Variants in GPR158 observed in about 807,000 individuals in gnomAD.
The protein encoded by GPR158 is G protein-coupled receptor 158.
In GPR158, 30 loss-of-function variants were observed where a neutral mutation model predicts 78.2. That is an observed-to-expected ratio of 0.38 (90% CI 0.29 to 0.52). The LOEUF (loss-of-function observed/expected upper bound fraction) is 0.52. Among genes scored for constraint, GPR158 ranks in the 20% least tolerant of loss-of-function variants. GPR158 has a pLI of 0.83. For synonymous variants in GPR158, 581 were observed against 591.1 expected (o/e 0.98, Z 0.25); for missense variants, 1,463 against 1,523.5 (o/e 0.96, Z 0.66).
Position 25,574,059 on chromosome 10 carries a change from C to T in GPR158, c.1753+1172C>T, listed in dbSNP as rs142872684. 3.3e-4 allele frequency among the ~76,000 whole-genome samples: 47 copies of T among 143,980 alleles called. No individual in the cohort carries two copies. The East Asian group carries it at 9.1e-3, about 28-fold the overall frequency. The allele number at this position is 143,980 out of a possible 152,430, so 94.5% of individuals were successfully genotyped here. On this transcript the variant is annotated intron_variant, in intron 7 of 10. Coordinates refer to ENST00000376351, the MANE Select transcript of GPR158 (RefSeq NM_020752.3). ...CTACTCACCCTGACATTATTTTATG[C>T]TCTCAGTGCAGGTTAACCAGATAGG...
chr10:25,416,556 G>T (rs1334982142), intron 4 of GPR158, among the ~76,000 whole-genome samples: 1 of 152,058 alleles, frequency 6.6e-6, no homozygotes, highest in East Asian at 1.9e-4. Context: ...AGTCATTAGG[G>T]ATGTTGAGAA....
At chr10:25,389,687 A>G (rs1834268316) in intron 2 of GPR158, among the ~76,000 whole-genome samples, 1 of 152,124 alleles carries the variant, frequency 6.6e-6, no homozygotes. Context: ...GTGGGTGACA[A>G]GAAGGAAAGA....
At chr10:25,191,457 G>C (rs936973742) in intron 1 of GPR158, among the ~76,000 whole-genome samples, 3 of 152,212 alleles carry the variant, frequency 2.0e-5, no homozygotes, top group African/African-American at 7.2e-5. Context: ...TATGTTCCCA[G>C]GCCCTGCCTA....
chr10:25,521,022 G>C (rs1003435898), intron 5 of GPR158, among the ~76,000 whole-genome samples: 6 of 147,110 alleles, frequency 4.1e-5, no homozygotes, highest in Non-Finnish European at 5.9e-5. Flanking sequence ...GCGAGACTCT[G>C]TGGGCGTAGG....
intron 2 of GPR158, among the ~76,000 whole-genome samples, chr10:25,359,958 C>A (rs71495441): frequency 0.1 from 15,173 of 152,138 alleles, 1,877 homozygotes; most frequent in African/African-American, 0.3. Flanking sequence ...GCCATTCTAA[C>A]TGGCATGAGA....
chr10:25,423,392 T>C (rs1250846362), intron 4 of GPR158, among the ~76,000 whole-genome samples: 1 of 14,638 alleles, frequency 6.8e-5, no homozygotes, highest in Non-Finnish European at 3.8e-4. Context: ...CTTTTAGTTC[T>C]TTTTTTTTTT....
intron 2 of GPR158, among the ~76,000 whole-genome samples, chr10:25,338,212 A>G (rs996920895): frequency 6.6e-6 from 1 of 150,986 alleles, no homozygotes; most frequent in East Asian, 1.9e-4. Flanking sequence ...TTATAAATAT[A>G]GTCTTCTCTA....
intron 1 of GPR158, among the ~76,000 whole-genome samples, chr10:25,204,892 A>G (rs760700611): frequency 2.1e-4 from 31 of 147,894 alleles, no homozygotes; most frequent in African/African-American, 7.5e-4. Context: ...TGTGTCCCCA[A>G]CCAAATCTCA....
At chr10:25,582,793 G>A (rs1281138386) in intron 7 of GPR158, among the ~76,000 whole-genome samples, 7 of 152,072 alleles carry the variant, frequency 4.6e-5, no homozygotes, top group Admixed American at 6.6e-5. Context: ...CACAGTGCCC[G>A]GGTCCATTCA....
rs114253571 is a variant in GPR158 at position 25,224,850 on chromosome 10, A to G, written c.1008+3693A>G. On this transcript the variant is annotated intron_variant, in intron 2 of 10. Transcript: ENST00000376351. ...TCGCAAACTAATTCGAAACCTGGTC[A>G]TTTTAATATTTTAAAGGAATCGGTT... is the stretch of plus-strand genomic sequence containing the variant. Among the ~76,000 whole-genome samples, 632 of 152,252 alleles carry G rather than the reference A, an allele frequency of 4.2e-3. 4 individuals are homozygous for G. The highest frequency in any genetic ancestry group is 0.015 in the African/African-American group (617 of 41,562).
chr10:25,555,839 G>A (rs1836780936), intron 6 of GPR158, among the ~76,000 whole-genome samples: 2 of 151,748 alleles, frequency 1.3e-5, no homozygotes, highest in African/African-American at 4.8e-5. Flanking sequence ...CCTGGGATTT[G>A]TCATTTCATG....
chr10:25,324,986 C>G (rs556356555), intron 2 of GPR158, among the ~76,000 whole-genome samples: 1 of 151,424 alleles, frequency 6.6e-6, no homozygotes, highest in South Asian at 2.1e-4. Flanking sequence ...CTATAGGTGC[C>G]CATCACAATA....
At chr10:25,589,502 ATC>A (rs1837313657) in intron 8 of GPR158, among the ~76,000 whole-genome samples, 1 of 152,236 alleles carries the variant, frequency 6.6e-6, no homozygotes, top group South Asian at 2.1e-4. Context: ...CAGTTAACTT[ATC>A]TATATTTTCA....
chr10:25,193,622 C>T (rs1213242954), intron 1 of GPR158, among the ~76,000 whole-genome samples: 2 of 152,154 alleles, frequency 1.3e-5, no homozygotes, highest in African/African-American at 2.4e-5. Context: ...TTACAGATTT[C>T]CCCTCTAGGA....
chr10:25,360,862 A>G (rs1298669988), intron 2 of GPR158, among the ~76,000 whole-genome samples: 1 of 152,018 alleles, frequency 6.6e-6, no homozygotes, highest in Non-Finnish European at 1.5e-5. Context: ...CAGTGTGGCC[A>G]TTTTCATGAT....
intron 2 of GPR158, among the ~76,000 whole-genome samples, chr10:25,371,610 A>T (rs958108677): frequency 6.9e-6 from 1 of 144,298 alleles, no homozygotes; most frequent in South Asian, 2.4e-4. Context: ...TGGGGAAAGG[A>T]TTCCCTATTT....
At chr10:25,558,394 T>G (rs1460292288) in intron 6 of GPR158, among the ~76,000 whole-genome samples, 1 of 152,230 alleles carries the variant, frequency 6.6e-6, no homozygotes, top group Admixed American at 6.5e-5. Flanking sequence ...ATTTCTTTTC[T>G]TTATGTGAAG....
At chr10:25,577,278 T>G (rs2130736532) in intron 7 of GPR158, among the ~76,000 whole-genome samples, 1 of 152,254 alleles carries the variant, frequency 6.6e-6, no homozygotes, top group South Asian at 2.1e-4. Flanking sequence ...AAACCTGTAC[T>G]GAACACTAAA....
intron 8 of GPR158, among the ~76,000 whole-genome samples, 198 bp downstream of exon 8, chr10:25,589,343 T>C (rs1837311280): frequency 6.6e-6 from 1 of 152,244 alleles, no homozygotes; most frequent in Admixed American, 6.5e-5. Context: ...TCGGCTGTGT[T>C]GTTTATTGCC....
Sources: allele counts gnomAD v4.1 joint callset (sites outside exome capture counted in the v4.1 genomes callset), GRCh38; gene constraint gnomAD v4.1.1; transcripts MANE v1.5; gene names NCBI Gene and HGNC (gene_info 2026-07-23, HGNC 2026-07-21).